The following RBMS3 variants were observed in gnomAD, a reference collection of about 807,000 sequenced individuals.
The protein encoded by RBMS3 is RNA-binding motif, single-stranded-interacting protein 3.
A neutral mutation model predicts 66.8 loss-of-function variants in RBMS3; 27 were observed. That is an observed-to-expected ratio of 0.40 (90% CI 0.30 to 0.56). The LOEUF is 0.56. Ranked by LOEUF, RBMS3 falls within the 20% of genes least tolerant of loss-of-function variation. RBMS3 has a pLI of 0.40. For missense variants in RBMS3, 513 were observed against 549.5 expected (o/e 0.93, Z 0.66); for synonymous variants, 188 against 183.0 (o/e 1.03, Z -0.22).
intron 3 of RBMS3, among the ~76,000 whole-genome samples, chr3:29,506,367 T>A (rs1212731385): frequency 1.3e-5 from 2 of 152,050 alleles, no homozygotes; most frequent in African/African-American, 4.8e-5. Flanking sequence ...TCTGTTAAGG[T>A]GATTTATCAT....
intron 4 of RBMS3, among the ~76,000 whole-genome samples, chr3:29,670,602 T>A (rs2050956195): frequency 6.6e-6 from 1 of 152,220 alleles, no homozygotes; most frequent in South Asian, 2.1e-4. Flanking sequence ...CAGGAGATTA[T>A]ATCTTGCACC....
chr3:29,951,526 T>G (rs1695680825), intron 12 of RBMS3, among the ~76,000 whole-genome samples: 1 of 151,686 alleles, frequency 6.6e-6, no homozygotes. Flanking sequence ...AAGGATTAAT[T>G]GAAAGGATAT....
At chr3:29,873,353 G>A (rs1395149429) in intron 7 of RBMS3, among the ~76,000 whole-genome samples, 1 of 152,034 alleles carries the variant, frequency 6.6e-6, no homozygotes, top group Non-Finnish European at 1.5e-5. Flanking sequence ...TGTGGCAATC[G>A]TGAATGGGAT....
At chr3:29,435,056 A>T in intron 2 of RBMS3, 141 bp downstream of exon 2, 1 of 884,512 alleles carries the variant, frequency 1.1e-6, no homozygotes, top group Non-Finnish European at 1.7e-6. Flanking sequence ...CTTAAATTTG[A>T]GATTCAATGC....
intron 12 of RBMS3, among the ~76,000 whole-genome samples, chr3:29,973,980 C>T (rs1254367210): frequency 6.6e-6 from 1 of 151,918 alleles, no homozygotes. Context: ...CTGTGCTTCA[C>T]CTACCCTGGC....
chr3:29,921,211 C>T (rs1449180103), intron 10 of RBMS3, among the ~76,000 whole-genome samples: 20 of 151,634 alleles, frequency 1.3e-4, no homozygotes, highest in East Asian at 3.9e-4. Flanking sequence ...TACAGGCGCC[C>T]GCCACCACGC....
At chr3:29,897,563 GA>G (rs1014627721) in intron 9 of RBMS3, 88 bp downstream of exon 9, 18 of 1,237,166 alleles carry the variant, frequency 1.5e-5, no homozygotes, top group African/African-American at 3.0e-5. Flanking sequence ...AGAATGAAAA[GA>G]AAAAAATTCT....
At chr3:29,948,472 T>C (rs1196244949) in intron 12 of RBMS3, among the ~76,000 whole-genome samples, 1 of 151,794 alleles carries the variant, frequency 6.6e-6, no homozygotes, top group African/African-American at 2.4e-5. Flanking sequence ...GTATTTTAGC[T>C]GCTTCAAAGA....
At chr3:29,677,183 A>G (rs2051292677) in intron 4 of RBMS3, among the ~76,000 whole-genome samples, 1 of 152,096 alleles carries the variant, frequency 6.6e-6, no homozygotes, top group African/African-American at 2.4e-5. Flanking sequence ...CTCATAATCC[A>G]ATCACCTCCC....
chr3:29,882,136 C>T (rs554047827), intron 7 of RBMS3, among the ~76,000 whole-genome samples: 5 of 152,172 alleles, frequency 3.3e-5, no homozygotes, highest in South Asian at 2.1e-4. Context: ...ACAGCTTTTA[C>T]GACTGCCCTT....
intron 3 of RBMS3, among the ~76,000 whole-genome samples, chr3:29,513,110 T>C (rs2044478246): frequency 6.6e-6 from 1 of 152,212 alleles, no homozygotes. Context: ...GAACACATCC[T>C]TTCGCATTTG....
chr3:29,345,768 C>G (rs936036872), intron 1 of RBMS3, among the ~76,000 whole-genome samples: 1 of 152,078 alleles, frequency 6.6e-6, no homozygotes, highest in Non-Finnish European at 1.5e-5. Context: ...ATTAAGGAAA[C>G]AGGTTTGATT....
chr3:29,573,857 G>A (rs1029441635), intron 3 of RBMS3, among the ~76,000 whole-genome samples: 8 of 151,946 alleles, frequency 5.3e-5, no homozygotes, highest in Non-Finnish European at 1.0e-4. Flanking sequence ...TAATCTCCTT[G>A]TGTTCATATA....
At chr3:29,418,048 G>C (rs6791928) in intron 1 of RBMS3, among the ~76,000 whole-genome samples, 1 of 151,598 alleles carries the variant, frequency 6.6e-6, no homozygotes, top group Admixed American at 6.6e-5. Flanking sequence ...TTCCCCTTTG[G>C]GTCTTCAATA....
At chr3:29,619,702 A>T (rs191077202) in intron 4 of RBMS3, among the ~76,000 whole-genome samples, 1 of 152,280 alleles carries the variant, frequency 6.6e-6, no homozygotes, top group East Asian at 1.9e-4. Flanking sequence ...ACATTCCAAA[A>T]TTTCTGTGCT....
chr3:29,903,665 T>G (rs2060307463), intron 10 of RBMS3, among the ~76,000 whole-genome samples: 1 of 151,986 alleles, frequency 6.6e-6, no homozygotes, highest in Non-Finnish European at 1.5e-5. Flanking sequence ...TTCTTAAACT[T>G]TATTTAAGCT....
intron 6 of RBMS3, among the ~76,000 whole-genome samples, chr3:29,867,557 G>T (rs79648286): frequency 6.8e-6 from 1 of 146,206 alleles, no homozygotes; most frequent in South Asian, 2.4e-4. Context: ...ACCTTTATTC[G>T]CATCTCATCC....
intron 3 of RBMS3, among the ~76,000 whole-genome samples, chr3:29,576,875 G>A (rs2047140333): frequency 6.6e-6 from 1 of 152,158 alleles, no homozygotes; most frequent in Non-Finnish European, 1.5e-5. Flanking sequence ...ACCCTTCTGA[G>A]AAATTGGATC....
chr3:29,983,837 C>T (rs554777774), intron 12 of RBMS3, among the ~76,000 whole-genome samples: 5 of 152,040 alleles, frequency 3.3e-5, no homozygotes, highest in African/African-American at 1.2e-4. Flanking sequence ...TCTGGCTGCC[C>T]TTAACATTTT....
Sources: gnomAD v4.1 joint callset for allele counts (sites outside exome capture counted in the v4.1 genomes callset) on GRCh38, gnomAD v4.1.1 for gene constraint, MANE v1.5 for transcripts, NCBI Gene and HGNC (gene_info 2026-07-23, HGNC 2026-07-21) for gene names.